Variants in SUGP1 observed in about 807,000 individuals in gnomAD.
SUGP1 encodes SURP and G-patch domain containing 1.
Under a neutral mutation model 76.5 loss-of-function variants are expected in SUGP1, and 34 were observed. The observed-to-expected ratio is 0.44, with a 90% CI of 0.34 to 0.59. SUGP1 has a LOEUF of 0.59. Ranked by LOEUF, SUGP1 falls within the 20% of genes least tolerant of loss-of-function variation. The probability of loss-of-function intolerance (pLI) is 0.01; values close to 1 mark genes in which losing one functional copy is unlikely to be tolerated. For synonymous variants in SUGP1, 326 were observed against 326.2 expected (o/e 1.00, Z 0.01); for missense variants, 752 against 851.7 (o/e 0.88, Z 1.46).
chr19:19,315,908 T>G (rs2061390893), intron 2 of SUGP1, among the ~76,000 whole-genome samples: 1 of 151,908 alleles, frequency 6.6e-6, no homozygotes, highest in South Asian at 2.1e-4. Flanking sequence ...CTCAACTCAC[T>G]GCAACCTTTG....
At chr19:19,312,676 C>T (rs1461131276) in intron 2 of SUGP1, among the ~76,000 whole-genome samples, 1 of 152,136 alleles carries the variant, frequency 6.6e-6, no homozygotes, top group Non-Finnish European at 1.5e-5. Flanking sequence ...TTTAGACAAG[C>T]AATCAAATAC....
intron 11 of SUGP1, 131 bp downstream of exon 11, chr19:19,278,559 G>A (rs2146589041): frequency 6.9e-6 from 5 of 721,134 alleles, no homozygotes; most frequent in South Asian, 5.3e-5. Flanking sequence ...GATGCCTCCT[G>A]CAGCGAAAAG....
At chr19:19,309,221 C>T (rs1398221358) in intron 3 of SUGP1, among the ~76,000 whole-genome samples, 1 of 152,052 alleles carries the variant, frequency 6.6e-6, no homozygotes, top group Non-Finnish European at 1.5e-5. Context: ...ACAGTGGCTC[C>T]TGCCTGTAAT....
intron 8 of SUGP1, among the ~76,000 whole-genome samples, chr19:19,285,854 C>CGG (rs1185763530): frequency 6.6e-6 from 1 of 152,136 alleles, no homozygotes; most frequent in African/African-American, 2.4e-5. Context: ...CATGAGCTAC[C>CGG]GTACCCGGCC....
chr19:19,276,891 C>G, intron 13 of SUGP1, 56 bp downstream of exon 13: 2 of 1,603,112 alleles, frequency 1.2e-6, no homozygotes, highest in South Asian at 1.1e-5. Context: ...CCTTCTGTTC[C>G]TACCACCACC....
chr19:19,309,703 G>T (rs991060307), intron 3 of SUGP1, among the ~76,000 whole-genome samples: 1 of 152,154 alleles, frequency 6.6e-6, no homozygotes, highest in African/African-American at 2.4e-5. Context: ...AAGGTCAGGA[G>T]ATCGAGACCA....
intron 8 of SUGP1, among the ~76,000 whole-genome samples, chr19:19,291,419 C>T (rs934716031): frequency 1.3e-5 from 2 of 151,986 alleles, no homozygotes; most frequent in African/African-American, 2.4e-5. Context: ...CTGTAACTAA[C>T]GACTGAAAAT....
intron 5 of SUGP1, 74 bp from the exon 6 acceptor site, chr19:19,303,522 C>T (rs2061289339): frequency 1.3e-5 from 19 of 1,469,158 alleles, no homozygotes; most frequent in Non-Finnish European, 1.7e-5. Context: ...CAGCTTCTAT[C>T]GTGCAAAAAA....
chr19:19,297,387 G>A, intron 7 of SUGP1, 43 bp from the exon 8 acceptor site: 1 of 1,470,022 alleles, frequency 6.8e-7, no homozygotes, highest in Non-Finnish European at 9.1e-7. Flanking sequence ...CTGGGCCCGA[G>A]GCCCTGTCCC....
chr19:19,277,631 C>T, intron 12 of SUGP1, 103 bp downstream of exon 12: 1 of 1,448,518 alleles, frequency 6.9e-7, no homozygotes, highest in Admixed American at 2.0e-5. Flanking sequence ...ATCATTTTGC[C>T]ACAAGGGAAA....
intron 8 of SUGP1, among the ~76,000 whole-genome samples, chr19:19,291,251 G>A (rs532423389): frequency 6.6e-6 from 1 of 152,244 alleles, no homozygotes; most frequent in African/African-American, 2.4e-5. Flanking sequence ...AGTTTAGAGT[G>A]GAGATAAGAA....
At chr19:19,291,135 A>C (rs753360059) in intron 8 of SUGP1, among the ~76,000 whole-genome samples, 2 of 152,186 alleles carry the variant, frequency 1.3e-5, no homozygotes, top group Non-Finnish European at 2.9e-5. Context: ...ACAAACAAAA[A>C]AATAAGAAAG....
rs562622555 is a variant in SUGP1, at chr19:19,302,514, G to A, written c.764-126C>T. 1.8e-5 allele frequency: 25 copies of A among 1,353,176 alleles called. No homozygotes were observed. In the East Asian group the frequency reaches 5.6e-4, roughly 30 times the overall value. 83.8% of individuals were successfully genotyped at this position (1,353,176 alleles called of 1,614,324 possible). A position where few individuals can be genotyped will look rare whatever the true frequency, so the allele number is the denominator to read the frequency against. On this transcript the variant is annotated intron_variant, in intron 6 of 13. Transcript: ENST00000247001. Reference sequence around the variant, plus strand: ...GATGCAAAGAGAAACAGGCAAATGGGAATCAGATTACTACACTGGGACCAG... The same window carrying A: ...GATGCAAAGAGAAACAGGCAAATGGAAATCAGATTACTACACTGGGACCAG...
intron 7 of SUGP1, chr19:19,301,730 T>C (rs924153442): frequency 1.1e-4 from 17 of 154,140 alleles, no homozygotes; most frequent in African/African-American, 4.1e-4. Flanking sequence ...CCACTGGGGC[T>C]AGGGTACGAC....
chr19:19,278,939 C>A (rs538222290), intron 10 of SUGP1, 143 bp from the exon 11 acceptor site: 2 of 857,710 alleles, frequency 2.3e-6, no homozygotes, highest in South Asian at 1.6e-5. Flanking sequence ...GACCCCAGCC[C>A]GAGCCTCTGC....
chr19:19,300,689 G>A (rs886818380), intron 7 of SUGP1, among the ~76,000 whole-genome samples: 13 of 152,308 alleles, frequency 8.5e-5, no homozygotes, highest in Admixed American at 7.8e-4. Context: ...TCTGCAGTGA[G>A]TGCGGAAATG....
At chr19:19,297,409 A>C in intron 7 of SUGP1, 65 bp from the exon 8 acceptor site, 2 of 1,398,604 alleles carry the variant, frequency 1.4e-6, no homozygotes, top group Middle Eastern at 1.9e-4. Context: ...GATTCTGGGC[A>C]GGAGCAGTTC....
rs1273149795 is a variant in SUGP1 at position 19,276,570 on chromosome 19, G to T, written c.*78C>A. 2.5e-6 allele frequency: 4 copies of T among 1,569,920 alleles called. No individual in the cohort carries two copies. Among genetic ancestry groups the T allele is most frequent in the Non-Finnish European group, 3.5e-6 (4 of 1,141,504 alleles). On this transcript the variant is annotated 3_prime_UTR_variant, in exon 14 of 14. Coordinates refer to ENST00000247001, the MANE Select transcript of SUGP1 (RefSeq NM_172231.4). Reference sequence around the variant, plus strand: ...CACGGCACTCGTGACAACGGAAGGGGTGGGCAGAAATGCAGGCCGGAACAT... The same window carrying T: ...CACGGCACTCGTGACAACGGAAGGGTTGGGCAGAAATGCAGGCCGGAACAT...
chr19:19,310,249 T>C, intron 2 of SUGP1, 49 bp from the exon 3 acceptor site: 1 of 1,423,608 alleles, frequency 7.0e-7, no homozygotes, highest in Non-Finnish European at 9.9e-7. Flanking sequence ...AGAGATGGAG[T>C]GAGGGCACCA....
Sources: allele counts gnomAD v4.1 joint callset (sites outside exome capture counted in the v4.1 genomes callset), GRCh38; gene constraint gnomAD v4.1.1; transcripts MANE v1.5; gene names NCBI Gene and HGNC (gene_info 2026-07-23, HGNC 2026-07-21).